Variants in TM4SF19 observed in about 807,000 individuals in gnomAD.
TM4SF19 encodes the protein transmembrane 4 L6 family member 19.
In TM4SF19, 17 loss-of-function variants were observed where a neutral mutation model predicts 21.8. The observed-to-expected ratio is 0.78, with a 90% CI of 0.53 to 1.17. The LOEUF (loss-of-function observed/expected upper bound fraction) is 1.17, where lower values mean the gene tolerates loss of function less well. Ranked by LOEUF, TM4SF19 falls within the 50% of genes most tolerant of loss-of-function variation. TM4SF19 has a pLI of 0.00. For synonymous variants in TM4SF19, 107 were observed against 106.7 expected (o/e 1.00, Z -0.02); for missense variants, 216 against 252.1 (o/e 0.86, Z 0.97).
At chr3:196,335,637 C>T (rs1727726945) in intron 1 of TM4SF19, among the ~76,000 whole-genome samples, 1 of 151,434 alleles carries the variant, frequency 6.6e-6, no homozygotes, top group African/African-American at 2.4e-5. Context: ...GGTGTCTCTT[C>T]CCCCATCAAC....
In TM4SF19 at chr3:196,323,905, A is replaced by G; in HGVS notation, c.542T>C (p.Leu181Pro). The G allele has an allele frequency of 1.9e-6, 3 of 1,614,198 alleles. No individual in the cohort carries two copies. The highest frequency in any genetic ancestry group is 2.5e-6 in the Non-Finnish European group (3 of 1,180,034). The change falls in exon 5 of 5, where the codon CTG becomes CCG. Residue 181 changes from leucine to proline, a missense_variant. Coordinates refer to ENST00000273695, the MANE Select transcript of TM4SF19 (RefSeq NM_138461.4). ...GAGAAGCTGGAGCAGGCTGATGCACAGAAGGGCGGAGAAGAGGGACACGTG... is the reference window on the plus strand; with the variant it reads ...GAGAAGCTGGAGCAGGCTGATGCACGGAAGGGCGGAGAAGAGGGACACGTG... Reference protein sequence around the residue: ...VWHVSLFSALLCISLLQLLLV... With the variant: ...VWHVSLFSALPCISLLQLLLV...
chr3:196,327,365 C>G (rs778555488), intron 2 of TM4SF19, 25 bp downstream of exon 2: 125 of 1,608,314 alleles, frequency 7.8e-5, no homozygotes, highest in Non-Finnish European at 1.0e-4. Flanking sequence ...TGAGAGTTCA[C>G]GTTCAGGGAA....
At position 196,326,863 on chromosome 3, in the gene TM4SF19, C is replaced by G. The variant is rs1391785163; in HGVS notation, c.279+92G>C. The G allele has an allele frequency of 4.5e-6, 5 of 1,104,356 alleles. No individual in the cohort carries two copies. The East Asian group carries it at 9.8e-5, about 22-fold the overall frequency. 68.4% of individuals were successfully genotyped at this position (1,104,356 alleles called of 1,614,324 possible). The stretch of plus-strand genomic sequence containing the variant: ...CACAGTGAGGACCTGACTTCAGGCC[C>G]CAAGACCAAAATTGCCTCTTTACCG... On this transcript the variant is annotated intron_variant, in intron 3 of 4. Transcript: ENST00000273695.
chr3:196,324,064 G>A, intron 4 of TM4SF19, 67 bp from the exon 5 acceptor site: 1 of 1,574,208 alleles, frequency 6.4e-7, no homozygotes, highest in Non-Finnish European at 8.7e-7. Flanking sequence ...GGCAACCCCA[G>A]TAGAAAACTG....
chr3:196,327,693 C>T (rs910005992), intron 1 of TM4SF19, 102 bp from the exon 2 acceptor site: 9 of 988,920 alleles, frequency 9.1e-6, no homozygotes, highest in African/African-American at 1.6e-5. Context: ...CTACAGAAAC[C>T]GCCACCTTCC....
chr3:196,330,681 C>T (rs1171954201), intron 1 of TM4SF19, among the ~76,000 whole-genome samples: 1 of 152,030 alleles, frequency 6.6e-6, no homozygotes, highest in Non-Finnish European at 1.5e-5. Context: ...AGCAGATGAG[C>T]GGTTGCCATG....
At position 196,335,439 on chromosome 3, in the gene TM4SF19, G is replaced by A; in HGVS notation, c.-2+2825C>T. ...GGAGGGGTGCCCTGGGAGGGTGTGG[G>A]TAGGAGAGGGGAGGGGTGCCCTGGG... On this transcript the variant is annotated intron_variant, in intron 1 of 4. Coordinates refer to ENST00000273695, the MANE Select transcript of TM4SF19 (RefSeq NM_138461.4). Among the ~76,000 whole-genome samples the A allele has an allele frequency of 2.2e-5, 2 of 91,552 alleles. 1 individual carries two copies. Among genetic ancestry groups the A allele is most frequent in the South Asian group, 1.0e-3 (2 of 1,944 alleles). The allele number at this position is 91,552 out of a possible 152,430, so 60.1% of individuals were successfully genotyped here.
Position 196,337,677 on chromosome 3 carries a change from G to A in TM4SF19, c.-2+587C>T, listed in dbSNP as rs541616556. Among the ~76,000 whole-genome samples, 4 of 152,306 alleles carry A rather than the reference G, an allele frequency of 2.6e-5. No individual in the cohort carries two copies. The South Asian group carries it at 6.2e-4, about 24-fold the overall frequency. Reference sequence around the variant, plus strand: ...TGCGGCCCCTCCCAAGTGCCTGTGCGGCAGGCAGGCGCCAAGTCAAGGGTC... The same window carrying A: ...TGCGGCCCCTCCCAAGTGCCTGTGCAGCAGGCAGGCGCCAAGTCAAGGGTC... On this transcript the variant is annotated intron_variant, in intron 1 of 4. Coordinates refer to ENST00000273695, the MANE Select transcript of TM4SF19 (RefSeq NM_138461.4).
chr3:196,336,970 A>G (rs973045531), intron 1 of TM4SF19, among the ~76,000 whole-genome samples: 50 of 151,300 alleles, frequency 3.3e-4, no homozygotes, highest in African/African-American at 1.2e-3. Context: ...GGGGCTAGGG[A>G]TATAACGATG....
chr3:196,337,533 TAAG>T (rs2108815162), intron 1 of TM4SF19, among the ~76,000 whole-genome samples: 1 of 152,276 alleles, frequency 6.6e-6, no homozygotes, highest in East Asian at 1.9e-4. Flanking sequence ...GCATCTACAC[TAAG>T]AAGCAAAATG....
chr3:196,332,848 A>ATTTTTTTTT (rs544134464), intron 1 of TM4SF19, among the ~76,000 whole-genome samples: 2 of 120,862 alleles, frequency 1.7e-5, no homozygotes, highest in Non-Finnish European at 1.7e-5. Flanking sequence ...TCAACTTACA[A>ATTTTTTTTT]TTTTTTTTTT....
At chr3:196,328,742 T>C (rs1727401665) in intron 1 of TM4SF19, among the ~76,000 whole-genome samples, 1 of 152,148 alleles carries the variant, frequency 6.6e-6, no homozygotes, top group South Asian at 2.1e-4. Flanking sequence ...AAACTGAATC[T>C]AAATTTATAT....
chr3:196,332,906 G>A (rs1727579550), intron 1 of TM4SF19, among the ~76,000 whole-genome samples: 2 of 144,620 alleles, frequency 1.4e-5, no homozygotes, highest in African/African-American at 2.6e-5. Context: ...AGGCTGGAGT[G>A]CAGTAGCACA....
intron 3 of TM4SF19, among the ~76,000 whole-genome samples, chr3:196,326,311 G>T (rs775864965): frequency 2.0e-5 from 3 of 152,086 alleles, no homozygotes; most frequent in Non-Finnish European, 2.9e-5. Context: ...GAGTCAGTGG[G>T]CTTCCCAACA....
chr3:196,334,510 GT>G (rs1451014833), intron 1 of TM4SF19, among the ~76,000 whole-genome samples: 4 of 151,604 alleles, frequency 2.6e-5, no homozygotes, highest in Admixed American at 6.6e-5. Context: ...CTGGAGTGCA[GT>G]GGCGCGATCT....
At chr3:196,334,895 G>GA (rs371256670) in intron 1 of TM4SF19, among the ~76,000 whole-genome samples, 219 of 1,260 alleles carry the variant, frequency 0.17, 88 homozygotes, top group East Asian at 0.62. Context: ...AGAGGGAAGG[G>GA]TGCCCTGAGA....
chr3:196,324,286 T>G lies in TM4SF19; in HGVS notation c.434A>C (p.Lys145Thr). ...TQAWKYGYPF[K>T]DLHSRNYLYD... is the part of the protein sequence containing the mutation. ...ACCCATTTACCTACTATGCAGGTCT[T>G]TGAATGGGTAACCATATTTCCAAGC... Residue 145 changes from lysine (K) to threonine (T), a missense_variant, in exon 4 of 5, where the codon AAA (lysine) becomes ACA (threonine). Lys to Thr is a moderately conservative substitution (Grantham distance 78). Transcript: ENST00000273695. The G allele has an allele frequency of 6.2e-7, 1 of 1,614,150 alleles. No individual in the cohort carries two copies. The highest frequency in any genetic ancestry group is 8.5e-7 in the Non-Finnish European group (1 of 1,180,018).
chr3:196,331,948 AAC>A (rs1727531291), intron 1 of TM4SF19, among the ~76,000 whole-genome samples: 1 of 151,584 alleles, frequency 6.6e-6, no homozygotes, highest in Non-Finnish European at 1.5e-5. Context: ...ACACGCCTAT[AAC>A]ACACTGCTTT....
Position 196,329,877 on chromosome 3 carries a change from G to T in TM4SF19, c.-1-2286C>A, listed in dbSNP as rs1185642727. Among the ~76,000 whole-genome samples, 24 of 107,866 alleles carry T rather than the reference G, an allele frequency of 2.2e-4. 4 individuals are homozygous for T. The highest frequency in any genetic ancestry group is 3.3e-4 in the Admixed American group (3 of 9,084). The allele number at this position is 107,866 out of a possible 152,430, so 70.8% of individuals were successfully genotyped here. A position where few individuals can be genotyped will look rare whatever the true frequency, so the allele number is the denominator to read the frequency against. ...TTCAGGTTTTGTTTTGTGTTGTTTT[G>T]TTTTTTTTTTTTGAGACAGAGTCTT... On this transcript the variant is annotated intron_variant, in intron 1 of 4. Coordinates refer to ENST00000273695, the MANE Select transcript of TM4SF19 (RefSeq NM_138461.4).
Sources: gnomAD v4.1 joint callset for allele counts (sites outside exome capture counted in the v4.1 genomes callset) on GRCh38, gnomAD v4.1.1 for gene constraint, MANE v1.5 for transcripts, NCBI Gene and HGNC (gene_info 2026-07-23, HGNC 2026-07-21) for gene names.